The following CAMKMT variants were observed in gnomAD, a reference collection of about 807,000 sequenced individuals.
CAMKMT encodes calmodulin-lysine N-methyltransferase.
Under a neutral mutation model 48.0 loss-of-function variants are expected in CAMKMT, and 53 were observed. The observed-to-expected ratio is 1.10, with a 90% CI of 0.89 to 1.39. CAMKMT has a LOEUF of 1.39. CAMKMT is among the 40% of genes most tolerant of loss of function. CAMKMT has a pLI of 0.00. For missense variants in CAMKMT, 428 were observed against 402.7 expected (o/e 1.06, Z -0.54); for synonymous variants, 165 against 152.3 (o/e 1.08, Z -0.61).
intron 3 of CAMKMT, among the ~76,000 whole-genome samples, chr2:44,479,174 TAC>T (rs1378642144): frequency 2.0e-5 from 3 of 152,230 alleles, no homozygotes; most frequent in Admixed American, 2.0e-4. Flanking sequence ...TACTTTATAT[TAC>T]AGAGTGTAAT....
chr2:44,494,406 T>G (rs1270046916), intron 3 of CAMKMT, among the ~76,000 whole-genome samples: 2 of 152,232 alleles, frequency 1.3e-5, no homozygotes, highest in African/African-American at 2.4e-5. Context: ...CACCTCACTT[T>G]TTTTCCCCCC....
intron 3 of CAMKMT, among the ~76,000 whole-genome samples, chr2:44,701,640 A>T (rs896416968): frequency 1.3e-5 from 2 of 152,216 alleles, no homozygotes; most frequent in Non-Finnish European, 2.9e-5. Flanking sequence ...GGCAAAAACC[A>T]CAATTACTTT....
intron 3 of CAMKMT, among the ~76,000 whole-genome samples, chr2:44,697,064 C>G (rs865952882): frequency 6.6e-6 from 1 of 151,878 alleles, no homozygotes; most frequent in African/African-American, 2.4e-5. Context: ...ATTCAACATC[C>G]AAATAATAAC....
At chr2:44,384,237 A>AT (rs1403354780) in intron 2 of CAMKMT, among the ~76,000 whole-genome samples, 1 of 151,806 alleles carries the variant, frequency 6.6e-6, no homozygotes, top group Non-Finnish European at 1.5e-5. Context: ...GATGTTGAGC[A>AT]TTTTTTTCAT....
At position 44,691,199 on chromosome 2, in the gene CAMKMT, G is replaced by A. The variant is rs926100806; in HGVS notation, c.377-13084G>A. 5.3e-5 allele frequency among the ~76,000 whole-genome samples: 8 copies of A among 152,186 alleles called. No homozygotes were observed. In the East Asian group the frequency reaches 5.8e-4, roughly 11 times the overall value. On this transcript the variant is annotated intron_variant, in intron 3 of 10. Coordinates refer to ENST00000378494, the MANE Select transcript of CAMKMT (RefSeq NM_024766.5). ...ATGTCTTCACGCTCTAAGCCACTGCGGTGATGGCTATGACCGCCGTGCATT... is the reference window on the plus strand; with the variant it reads ...ATGTCTTCACGCTCTAAGCCACTGCAGTGATGGCTATGACCGCCGTGCATT...
At chr2:44,710,091 G>T (rs1677797207) in intron 6 of CAMKMT, among the ~76,000 whole-genome samples, 2 of 150,226 alleles carry the variant, frequency 1.3e-5, no homozygotes, top group Non-Finnish European at 3.0e-5. Flanking sequence ...CTAAGATTCT[G>T]ATTTTTACCT....
At chr2:44,745,164 A>G (rs1249546957) in intron 8 of CAMKMT, among the ~76,000 whole-genome samples, 1 of 152,212 alleles carries the variant, frequency 6.6e-6, no homozygotes, top group Non-Finnish European at 1.5e-5. Context: ...GGGAAGGGGC[A>G]GCATCTTCCT....
chr2:44,659,566 CAAAAAA>C (rs201673397), intron 3 of CAMKMT, among the ~76,000 whole-genome samples: 4 of 113,652 alleles, frequency 3.5e-5, no homozygotes, highest in Non-Finnish European at 7.0e-5. Flanking sequence ...CCCATCTCTA[CAAAAAA>C]AAAAAAAAGA....
intron 3 of CAMKMT, among the ~76,000 whole-genome samples, chr2:44,544,071 A>T (rs532238732): frequency 6.6e-6 from 1 of 152,250 alleles, no homozygotes; most frequent in East Asian, 1.9e-4. Context: ...TTTGAAAAAG[A>T]CGTTTTTGAG....
chr2:44,490,585 T>G (rs1486745485), intron 3 of CAMKMT, among the ~76,000 whole-genome samples: 1 of 152,164 alleles, frequency 6.6e-6, no homozygotes, highest in Non-Finnish European at 1.5e-5. Flanking sequence ...TTATCGTTTT[T>G]CTAGAAACTA....
At chr2:44,497,803 A>G (rs1669827528) in intron 3 of CAMKMT, among the ~76,000 whole-genome samples, 1 of 151,822 alleles carries the variant, frequency 6.6e-6, no homozygotes, top group South Asian at 2.1e-4. Flanking sequence ...AAGACCAAGC[A>G]GGCATCAGAG....
intron 3 of CAMKMT, among the ~76,000 whole-genome samples, chr2:44,622,920 C>T (rs1004625959): frequency 1.1e-4 from 17 of 152,158 alleles, no homozygotes; most frequent in Non-Finnish European, 1.3e-4. Context: ...AAACTTCTGT[C>T]CATGATGGTT....
chr2:44,763,669 G>A (rs1323866406), intron 9 of CAMKMT, among the ~76,000 whole-genome samples: 5 of 152,176 alleles, frequency 3.3e-5, no homozygotes, highest in African/African-American at 7.2e-5. Flanking sequence ...CAGGGGCTGC[G>A]TTCTGAACAG....
At chr2:44,523,616 G>T (rs1402476245) in intron 3 of CAMKMT, among the ~76,000 whole-genome samples, 1 of 151,726 alleles carries the variant, frequency 6.6e-6, no homozygotes, top group African/African-American at 2.4e-5. Context: ...CTTATAAGAT[G>T]ATTTCTTTGC....
chr2:44,641,448 C>T (rs1367157749), intron 3 of CAMKMT, among the ~76,000 whole-genome samples: 1 of 151,900 alleles, frequency 6.6e-6, no homozygotes, highest in Non-Finnish European at 1.5e-5. Context: ...TTGCAAAAAC[C>T]CAACCCCAGA....
intron 3 of CAMKMT, among the ~76,000 whole-genome samples, chr2:44,622,234 C>T (rs1672237967): frequency 6.6e-6 from 1 of 152,150 alleles, no homozygotes; most frequent in Admixed American, 6.5e-5. Context: ...GGAAAACTTC[C>T]ACTTATTTAT....
intron 3 of CAMKMT, among the ~76,000 whole-genome samples, chr2:44,503,007 A>G (rs528109237): frequency 1.3e-5 from 2 of 152,244 alleles, no homozygotes; most frequent in South Asian, 2.1e-4. Context: ...ATTAGCATAT[A>G]TTATAGCCAA....
chr2:44,477,488 CAT>C (rs527303521), intron 3 of CAMKMT, among the ~76,000 whole-genome samples: 28 of 152,256 alleles, frequency 1.8e-4, no homozygotes, highest in African/African-American at 6.7e-4. Context: ...AGCTGAAAAA[CAT>C]AAACTACAGT....
In CAMKMT at chr2:44,657,296, C is replaced by A. The variant is rs574128093; in HGVS notation, c.377-46987C>A. ...AAAGAAATGCCAGAAGAGTGTTGCA[C>A]AAGTTAATTGATTTTCAGTGGTTAC... On this transcript the variant is annotated intron_variant, in intron 3 of 10. Coordinates refer to ENST00000378494, the MANE Select transcript of CAMKMT (RefSeq NM_024766.5). This position sits in a 1 kb window ranked among gnomAD's most constrained non-coding sequence, Gnocchi z 4.3. Among the ~76,000 whole-genome samples the A allele has an allele frequency of 4.6e-5, 7 of 152,276 alleles. No individual in the cohort carries two copies. In the South Asian group the frequency reaches 1.0e-3, roughly 23 times the overall value.
Sources: gnomAD v4.1 joint callset for allele counts (sites outside exome capture counted in the v4.1 genomes callset) on GRCh38, gnomAD v4.1.1 for gene constraint, Gnocchi (gnomAD v3.1) non-coding constraint, MANE v1.5 for transcripts, NCBI Gene and HGNC (gene_info 2026-07-23, HGNC 2026-07-21) for gene names.